Variants in PHF24 observed in about 807,000 individuals in gnomAD.
PHF24 encodes PHD finger protein 24.
In PHF24, 25 loss-of-function variants were observed where a neutral mutation model predicts 42.6. The observed-to-expected ratio is 0.59, with a 90% CI of 0.43 to 0.82. The LOEUF is 0.82. PHF24 is among the 40% of genes least tolerant of loss of function. PHF24 has a pLI of 0.00. For missense variants in PHF24, 470 were observed against 538.1 expected (o/e 0.87, Z 1.25); for synonymous variants, 185 against 204.8 (o/e 0.90, Z 0.83).
chr9:34,892,803 G>T, the PHF24 span: 2 of 629,412 alleles, frequency 3.2e-6, no homozygotes, highest in Admixed American at 2.4e-5. Context: ...CGCTGAAAGT[G>T]ATCAGCCCAG....
At chr9:34,879,073 G>T in the PHF24 span, among the ~76,000 whole-genome samples, 1 of 152,298 alleles carries the variant, frequency 6.6e-6, no homozygotes, top group African/African-American at 2.4e-5. Context: ...TGCAGCCTCC[G>T]CTGGTGATAC....
the PHF24 span, among the ~76,000 whole-genome samples, chr9:34,702,915 G>A: frequency 7.9e-5 from 12 of 152,200 alleles, no homozygotes. Context: ...GGATAGAAAC[G>A]TTGATGACTT....
At chr9:34,835,878 G>A in the PHF24 span, 1 of 1,059,680 alleles carries the variant, frequency 9.4e-7, no homozygotes, top group South Asian at 1.4e-5. Context: ...ACAGAGACAA[G>A]ATCTCTAGGC....
chr9:34,755,195 A>C, the PHF24 span, among the ~76,000 whole-genome samples: 1 of 152,182 alleles, frequency 6.6e-6, no homozygotes, highest in Non-Finnish European at 1.5e-5. Context: ...TTTAAAAGTA[A>C]CTTAAAAAGC....
the PHF24 span, among the ~76,000 whole-genome samples, chr9:34,885,162 A>C: frequency 6.6e-6 from 1 of 152,322 alleles, no homozygotes; most frequent in East Asian, 1.9e-4. Context: ...CTTTAGGCAA[A>C]TACCTGTTAA....
At chr9:34,716,910 G>T in the PHF24 span, among the ~76,000 whole-genome samples, 1 of 152,106 alleles carries the variant, frequency 6.6e-6, no homozygotes, top group Non-Finnish European at 1.5e-5. Flanking sequence ...CACCCGGCCT[G>T]GTTTTAAGCT....
At chr9:34,870,315 A>T in the PHF24 span, among the ~76,000 whole-genome samples, 1 of 152,126 alleles carries the variant, frequency 6.6e-6, no homozygotes, top group Admixed American at 6.6e-5. Context: ...ATACTGCATA[A>T]ATGTATAAAT....
At chr9:34,709,873 C>T in the PHF24 span, 1 of 1,614,242 alleles carries the variant, frequency 6.2e-7, no homozygotes, top group Non-Finnish European at 8.5e-7. Context: ...CTTGAGGCAA[C>T]AGTCCTGAGC....
exon 3 of PHF24, chr9:34,972,460 A>C: frequency 1.2e-6 from 2 of 1,614,178 alleles, no homozygotes; most frequent in Non-Finnish European, 1.7e-6. Flanking sequence ...CATGGGCTAC[A>C]TCCAAGGAGA....
chr9:34,757,318 T>C, the PHF24 span, among the ~76,000 whole-genome samples: 1 of 152,292 alleles, frequency 6.6e-6, no homozygotes, highest in African/African-American at 2.4e-5. Context: ...CTGATTTCTT[T>C]TTCAGCTAGT....
At chr9:34,809,734 C>T in the PHF24 span, among the ~76,000 whole-genome samples, 1 of 152,174 alleles carries the variant, frequency 6.6e-6, no homozygotes. This position sits in a 1 kb window ranked among gnomAD's most constrained non-coding sequence, Gnocchi z 4.1. Flanking sequence ...CCCTGCGCCC[C>T]CTCCGGGCGG....
chr9:34,773,509 T>G, the PHF24 span, among the ~76,000 whole-genome samples: 1 of 151,922 alleles, frequency 6.6e-6, no homozygotes, highest in Non-Finnish European at 1.5e-5. Context: ...TGGAATAATT[T>G]GAGAAACAAA....
the PHF24 span, among the ~76,000 whole-genome samples, chr9:34,873,526 A>T: frequency 6.6e-6 from 1 of 151,692 alleles, no homozygotes; most frequent in African/African-American, 2.4e-5. Context: ...GATATGCGGC[A>T]TTATTTCTGA....
chr9:34,726,260 A>C, the PHF24 span: 1 of 1,525,028 alleles, frequency 6.6e-7, no homozygotes, highest in Non-Finnish European at 8.9e-7. Flanking sequence ...TTGGTAATAC[A>C]ATGGTGGGTT....
At chr9:34,757,720 A>G in the PHF24 span, among the ~76,000 whole-genome samples, 5 of 151,658 alleles carry the variant, frequency 3.3e-5, no homozygotes, top group African/African-American at 1.2e-4. Flanking sequence ...CATGCTAGTG[A>G]TGTTTGCATG....
chr9:34,669,456 G>A, the PHF24 span, among the ~76,000 whole-genome samples: 1 of 151,982 alleles, frequency 6.6e-6, no homozygotes, highest in South Asian at 2.1e-4. Flanking sequence ...GATGAGCAGA[G>A]ATGGACAAAT....
At chr9:34,954,446 C>T (rs1286382547), upstream of PHF24, among the ~76,000 whole-genome samples, 1 of 152,146 alleles carries the variant, frequency 6.6e-6, no homozygotes, top group Non-Finnish European at 1.5e-5. Flanking sequence ...TGCACTGAAG[C>T]CATTCACAAC....
At chr9:34,824,459 G>A in the PHF24 span, among the ~76,000 whole-genome samples, 7 of 152,326 alleles carry the variant, frequency 4.6e-5, no homozygotes, top group South Asian at 1.2e-3. Context: ...GCTTAGAACA[G>A]CATTGATGTT....
the PHF24 span, among the ~76,000 whole-genome samples, chr9:34,720,182 C>A: frequency 1.3e-5 from 2 of 152,172 alleles, no homozygotes; most frequent in South Asian, 2.1e-4. Flanking sequence ...CGGTGGCTCA[C>A]GCCTGTAATC....
Sources: gnomAD v4.1 joint callset for allele counts (sites outside exome capture counted in the v4.1 genomes callset) on GRCh38, gnomAD v4.1.1 for gene constraint, Gnocchi (gnomAD v3.1) non-coding constraint, MANE v1.5 for transcripts, NCBI Gene and HGNC (gene_info 2026-07-23, HGNC 2026-07-21) for gene names.